Variants in GPHN observed in about 807,000 individuals in gnomAD.
GPHN encodes the protein gephyrin.
GPHN carries 17 observed loss-of-function variants against 95.5 expected under a neutral mutation model. That is an observed-to-expected ratio of 0.18 (90% CI 0.12 to 0.27). The LOEUF (loss-of-function observed/expected upper bound fraction) is 0.27. GPHN is among the 10% of genes least tolerant of loss of function. The probability of loss-of-function intolerance (pLI) is 1.00; values close to 1 mark genes in which losing one functional copy is unlikely to be tolerated. For synonymous variants in GPHN, 320 were observed against 322.5 expected (o/e 0.99, Z 0.08); for missense variants, 660 against 978.1 (o/e 0.67, Z 4.34).
the GPHN span, among the ~76,000 whole-genome samples, chr14:67,256,797 G>GACACACACACACACACAC: frequency 7.9e-3 from 1,165 of 147,746 alleles, 5 homozygotes; most frequent in South Asian, 0.018. Context: ...AGAAACTATT[G>GACACACACACACACACAC]ACACACACAC....
At position 66,508,385 on chromosome 14, in the gene GPHN, G is replaced by A. The variant is rs2057873867; in HGVS notation, c.-143G>A. ...CACGCAGGCCACCGTGCACTCTGTG[G>A]CCTCCCCCTCCTTCCCCGCTCTCCT... On this transcript the variant is annotated 5_prime_UTR_variant, in exon 1 of 23. Transcript: ENST00000478722. The A allele has an allele frequency of 2.5e-6, 2 of 790,226 alleles. No homozygotes were observed. The highest frequency in any genetic ancestry group is 4.5e-6 in the Non-Finnish European group (2 of 447,276). 49.0% of individuals were successfully genotyped at this position (790,226 alleles called of 1,614,324 possible). A position where few individuals can be genotyped will look rare whatever the true frequency, so the allele number is the denominator to read the frequency against.
At chr14:67,286,855 C>CAAAA in the GPHN span, among the ~76,000 whole-genome samples, 206 of 67,192 alleles carry the variant, frequency 3.1e-3, 7 homozygotes, top group East Asian at 0.047. Flanking sequence ...GACCTGGTCT[C>CAAAA]AAAAAAAAAA....
chr14:67,401,211 CT>C, the GPHN span, among the ~76,000 whole-genome samples: 2 of 151,684 alleles, frequency 1.3e-5, no homozygotes, highest in African/African-American at 2.4e-5. Flanking sequence ...TTTAGGTTGG[CT>C]GCGGTGGCTC....
chr14:67,121,209 T>G (rs1273675722), intron 16 of GPHN, among the ~76,000 whole-genome samples: 1 of 152,170 alleles, frequency 6.6e-6, no homozygotes, highest in South Asian at 2.1e-4. Flanking sequence ...TTAAAACTGA[T>G]ACATAAATTG....
chr14:67,602,917 G>A, the GPHN span, among the ~76,000 whole-genome samples: 1 of 152,140 alleles, frequency 6.6e-6, no homozygotes, highest in Admixed American at 6.6e-5. Flanking sequence ...TTTTAATTTA[G>A]TTGATTTTCT....
the GPHN span, among the ~76,000 whole-genome samples, chr14:67,469,538 A>C: frequency 7.3e-6 from 1 of 137,512 alleles, no homozygotes. Flanking sequence ...CTCCTGCTTC[A>C]GCCTCTCAAA....
At chr14:67,514,489 G>A in the GPHN span, among the ~76,000 whole-genome samples, 3 of 152,166 alleles carry the variant, frequency 2.0e-5, no homozygotes, top group African/African-American at 7.2e-5. Context: ...ACGGACCTGG[G>A]GAGTGGAGGG....
intron 9 of GPHN, among the ~76,000 whole-genome samples, chr14:67,001,417 C>G (rs1399251540): frequency 1.3e-5 from 2 of 151,552 alleles, no homozygotes; most frequent in Non-Finnish European, 3.0e-5. Flanking sequence ...TGACAGCTCA[C>G]CTGCATTTAT....
At chr14:67,580,088 T>C in the GPHN span, 3 of 542,482 alleles carry the variant, frequency 5.5e-6, no homozygotes, top group East Asian at 9.4e-5. Context: ...GGAGACAAGA[T>C]CGCTACACAC....
intron 4 of GPHN, 151 bp from the exon 5 acceptor site, chr14:66,879,788 C>A (rs2063843823): frequency 3.0e-6 from 2 of 661,120 alleles, no homozygotes; most frequent in Non-Finnish European, 5.5e-6. Context: ...TGAATTGAGT[C>A]TGGATGCCTC....
At chr14:67,560,058 G>A in the GPHN span, among the ~76,000 whole-genome samples, 1 of 151,950 alleles carries the variant, frequency 6.6e-6, no homozygotes, top group Non-Finnish European at 1.5e-5. Context: ...ACAGAGTCTC[G>A]CTCTCTCGCC....
chr14:67,180,799 T>C lies in GPHN; in HGVS notation c.2177-5T>C. On this transcript the variant is annotated splice_polypyrimidine_tract_variant and splice_region_variant and intron_variant, in intron 22 of 22. Coordinates refer to ENST00000478722, the MANE Select transcript of GPHN (RefSeq NM_020806.5). ...TGCTGCTGTAATAAGAGTATTTCTTTCTAGGTAATCAAATGAGCAGCCGTC... is the reference window on the plus strand; with the variant it reads ...TGCTGCTGTAATAAGAGTATTTCTTCCTAGGTAATCAAATGAGCAGCCGTC... 1 of 1,613,328 alleles carries C rather than the reference T, an allele frequency of 6.2e-7. No individual in the cohort carries two copies. Among genetic ancestry groups the C allele is most frequent in the Non-Finnish European group, 8.5e-7 (1 of 1,179,596 alleles).
the GPHN span, among the ~76,000 whole-genome samples, chr14:67,341,656 GC>G: frequency 6.6e-6 from 1 of 152,178 alleles, no homozygotes; most frequent in Non-Finnish European, 1.5e-5. Context: ...GAGCCCCTCT[GC>G]CCGGCCACCA....
the GPHN span, among the ~76,000 whole-genome samples, chr14:67,324,314 TA>T: frequency 1.3e-5 from 2 of 152,228 alleles, no homozygotes; most frequent in African/African-American, 4.8e-5. Flanking sequence ...TAAACATTAA[TA>T]ATTGACTGAT....
At chr14:66,930,152 A>T (rs960853389) in intron 8 of GPHN, among the ~76,000 whole-genome samples, 1 of 152,186 alleles carries the variant, frequency 6.6e-6, no homozygotes, top group African/African-American at 2.4e-5. Context: ...ATTGATAAGT[A>T]AGGACTTACT....
chr14:67,107,796 G>A (rs1444682212), intron 13 of GPHN, among the ~76,000 whole-genome samples: 2 of 152,144 alleles, frequency 1.3e-5, no homozygotes, highest in Non-Finnish European at 2.9e-5. Flanking sequence ...TCCCCAGAGA[G>A]GGGGGTATCT....
At chr14:67,168,763 C>T (rs551836501) in intron 20 of GPHN, among the ~76,000 whole-genome samples, 170 bp from the exon 21 acceptor site, 2 of 152,260 alleles carry the variant, frequency 1.3e-5, no homozygotes, top group African/African-American at 4.8e-5. Flanking sequence ...CCCCCTGTGG[C>T]ATTTAGTTGA....
the GPHN span, among the ~76,000 whole-genome samples, chr14:67,261,056 C>G: frequency 9.2e-5 from 14 of 152,176 alleles, no homozygotes; most frequent in Admixed American, 5.9e-4. Flanking sequence ...TGTTAAGATA[C>G]AAAATTGAAC....
the GPHN span, among the ~76,000 whole-genome samples, chr14:67,510,162 C>A: frequency 2.6e-5 from 4 of 152,302 alleles, no homozygotes; most frequent in Admixed American, 2.6e-4. Flanking sequence ...TTAATAGTAG[C>A]TATCTCATTG....
Sources: gnomAD v4.1 joint callset for allele counts (sites outside exome capture counted in the v4.1 genomes callset) on GRCh38, gnomAD v4.1.1 for gene constraint, MANE v1.5 for transcripts, NCBI Gene and HGNC (gene_info 2026-07-23, HGNC 2026-07-21) for gene names.